Variants in USP13 observed in about 807,000 individuals in gnomAD.
USP13 encodes the protein ubiquitin carboxyl-terminal hydrolase 13.
In USP13, 68 loss-of-function variants were observed where a neutral mutation model predicts 107.8. That is an observed-to-expected ratio of 0.63 (90% CI 0.52 to 0.77). The LOEUF (loss-of-function observed/expected upper bound fraction) is 0.77, where lower values mean the gene tolerates loss of function less well. Ranked by LOEUF, USP13 falls within the 30% of genes least tolerant of loss-of-function variation. The pLI is 0.00. For missense variants in USP13, 945 were observed against 1,093.3 expected (o/e 0.86, Z 1.91); for synonymous variants, 377 against 389.5 (o/e 0.97, Z 0.38).
intron 19 of USP13, among the ~76,000 whole-genome samples, chr3:179,775,948 G>GT (rs1466333624): frequency 6.6e-6 from 1 of 152,192 alleles, no homozygotes; most frequent in Non-Finnish European, 1.5e-5. Flanking sequence ...TGCAGCGGTG[G>GT]GCTGAAGGGC....
At chr3:179,779,403 A>T (rs1284848073) in intron 19 of USP13, among the ~76,000 whole-genome samples, 1 of 152,000 alleles carries the variant, frequency 6.6e-6, no homozygotes, top group Non-Finnish European at 1.5e-5. Flanking sequence ...GCATGGTGGC[A>T]CGCGCCTGTA....
intron 2 of USP13, among the ~76,000 whole-genome samples, chr3:179,685,475 G>A (rs111957517): frequency 2.6e-5 from 4 of 152,186 alleles, no homozygotes; most frequent in African/African-American, 9.6e-5. Context: ...AGAAAGGCCA[G>A]AAAGTCAGAT....
chr3:179,692,916 A>T (rs2108466255), intron 3 of USP13, among the ~76,000 whole-genome samples: 1 of 152,194 alleles, frequency 6.6e-6, no homozygotes, highest in African/African-American at 2.4e-5. Context: ...TCCGTAGGGG[A>T]CTACCTACCA....
In USP13 at chr3:179,701,147, G is replaced by A. The variant is rs964013810; in HGVS notation, c.477+18G>A. The A allele has an allele frequency of 6.8e-7, 1 of 1,466,656 alleles. No individual in the cohort carries two copies. 90.9% of individuals were successfully genotyped at this position (1,466,656 alleles called of 1,614,324 possible). On this transcript the variant is annotated intron_variant, in intron 4 of 20. Transcript: ENST00000263966. ...CAGCCCTGGTCAGTGAGTGTGCACG[G>A]CTGCTAGCTAGATGCGCATGGCTCT...
At chr3:179,783,956 A>G in intron 20 of USP13, 92 bp from the exon 21 acceptor site, 1 of 966,130 alleles carries the variant, frequency 1.0e-6, no homozygotes. Flanking sequence ...CATCATGGTT[A>G]AGTGTTGTGC....
intron 8 of USP13, among the ~76,000 whole-genome samples, chr3:179,725,056 T>TA (rs1007225717): frequency 3.3e-5 from 5 of 151,858 alleles, no homozygotes; most frequent in African/African-American, 1.2e-4. Context: ...CCCACTCTAC[T>TA]AAAAAATTAG....
In USP13 at chr3:179,721,391, CTT is replaced by C; in HGVS notation, c.901-9_901-8del. 2 of 1,608,186 alleles carry C rather than the reference CTT, an allele frequency of 1.2e-6. No homozygotes were observed. The highest frequency in any genetic ancestry group is 2.2e-5 in the South Asian group (2 of 90,458). On this transcript the variant is annotated splice_polypyrimidine_tract_variant and intron_variant, in intron 7 of 20. Transcript: ENST00000263966. This position sits in a 1 kb window ranked among gnomAD's most constrained non-coding sequence, Gnocchi z 4.3. Reference sequence around the variant, plus strand: ...ATTTAAAGTTGTTTTTCTTCGATGACTTTGTCTCAGACAGAGAATGGGCTCCA... The same window carrying C: ...ATTTAAAGTTGTTTTTCTTCGATGACTGTCTCAGACAGAGAATGGGCTCCA...
chr3:179,662,851 C>A (rs1418533596), intron 1 of USP13, among the ~76,000 whole-genome samples: 1 of 152,176 alleles, frequency 6.6e-6, no homozygotes, highest in African/African-American at 2.4e-5. Context: ...TCCTCCCCTG[C>A]ATTCCTCTCC....
intron 5 of USP13, among the ~76,000 whole-genome samples, 155 bp downstream of exon 5, chr3:179,707,231 C>T (rs115258457): frequency 0.011 from 1,739 of 152,272 alleles, 33 homozygotes; most frequent in African/African-American, 0.04. Flanking sequence ...TTGTCTGTAG[C>T]TTTGTAGTAG....
Position 179,653,550 on chromosome 3 carries a change from G to GC in USP13, c.168+161dup, listed in dbSNP as rs1489957065. ...GCAGTTCGGCAGACACTTAGTGAGC[G>GC]CCCCAGGGCTGCTGCAGCCGAGGAC... is the stretch of plus-strand genomic sequence containing the variant. On this transcript the variant is annotated intron_variant, in intron 1 of 20. Coordinates refer to ENST00000263966, the MANE Select transcript of USP13 (RefSeq NM_003940.3). The surrounding 1 kb of genome is among the most constrained non-coding windows in gnomAD (Gnocchi z 4.0). 6.8e-6 allele frequency: 7 copies of GC among 1,023,984 alleles called. No individual in the cohort carries two copies. The highest frequency in any genetic ancestry group is 1.7e-5 in the African/African-American group (1 of 60,358). The allele number at this position is 1,023,984 out of a possible 1,614,324, so 63.4% of individuals were successfully genotyped here.
chr3:179,673,443 A>C (rs999351956), intron 1 of USP13, among the ~76,000 whole-genome samples: 1 of 152,180 alleles, frequency 6.6e-6, no homozygotes, highest in African/African-American at 2.4e-5. Context: ...GGATTCAGCA[A>C]TAAATGATAC....
At chr3:179,719,473 T>C (rs1713228213) in intron 6 of USP13, among the ~76,000 whole-genome samples, 1 of 152,072 alleles carries the variant, frequency 6.6e-6, no homozygotes, top group African/African-American at 2.4e-5. Flanking sequence ...AGAAATTCAT[T>C]TTCTCAGATG....
At chr3:179,707,135 G>T in intron 5 of USP13, 59 bp downstream of exon 5, 25 of 1,514,254 alleles carry the variant, frequency 1.7e-5, no homozygotes, top group Admixed American at 6.8e-5. Context: ...AGGAATATTT[G>T]TTTTCTACTT....
chr3:179,718,501 A>C (rs189491262), intron 6 of USP13, among the ~76,000 whole-genome samples: 1 of 152,112 alleles, frequency 6.6e-6, no homozygotes, highest in Non-Finnish European at 1.5e-5. Flanking sequence ...AGAGGGAAGA[A>C]GATTGGGCCA....
In USP13 at chr3:179,784,412, G is replaced by A. The variant is rs994544463; in HGVS notation, c.*271G>A. The A allele has an allele frequency of 1.6e-4, 48 of 300,286 alleles. 1 individual carries two copies. The Admixed American group carries it at 2.2e-3, about 14-fold the overall frequency. The allele number at this position is 300,286 out of a possible 1,614,324, so 18.6% of individuals were successfully genotyped here. A position where few individuals can be genotyped will look rare whatever the true frequency, so the allele number is the denominator to read the frequency against. ...AAACAAAAAAAGTATTCATATTGCT[G>A]GTGGAGGATCTGCCATCAGCACATC... On this transcript the variant is annotated 3_prime_UTR_variant, in exon 21 of 21. Transcript: ENST00000263966.
At chr3:179,730,281 T>A (rs1316693363) in intron 9 of USP13, 21 bp downstream of exon 9, 1 of 1,598,826 alleles carries the variant, frequency 6.3e-7, no homozygotes, top group Non-Finnish European at 8.5e-7. Context: ...GATTTGTATT[T>A]TTTTTTTTCT....
At chr3:179,729,008 A>G (rs924718141) in intron 8 of USP13, among the ~76,000 whole-genome samples, 2 of 107,436 alleles carry the variant, frequency 1.9e-5, no homozygotes, top group African/African-American at 3.2e-5. Context: ...GGGAGAGCCA[A>G]TTTTTAATGT....
intron 19 of USP13, among the ~76,000 whole-genome samples, chr3:179,775,559 C>T (rs375795752): frequency 1.6e-4 from 24 of 152,330 alleles, no homozygotes; most frequent in South Asian, 8.3e-4. Flanking sequence ...CTGGGCACTG[C>T]GGAGCAGGGG....
rs189275622 is a variant in USP13 at position 179,735,773 on chromosome 3, G to C, written c.1255-4474G>C. On this transcript the variant is annotated intron_variant, in intron 10 of 20. Transcript: ENST00000263966. ...TCCAGCCAGGTGTGGTGGCTCACACGTGTAATCCCAGCACTTTGAGAAGCT... is the reference window on the plus strand; with the variant it reads ...TCCAGCCAGGTGTGGTGGCTCACACCTGTAATCCCAGCACTTTGAGAAGCT... Among the ~76,000 whole-genome samples the C allele has an allele frequency of 2.7e-3, 414 of 152,210 alleles. 2 individuals are homozygous for C. The highest frequency in any genetic ancestry group is 9.6e-3 in the African/African-American group (398 of 41,542).
Sources: allele counts gnomAD v4.1 joint callset (sites outside exome capture counted in the v4.1 genomes callset), GRCh38; gene constraint gnomAD v4.1.1; non-coding constraint Gnocchi (gnomAD v3.1); transcripts MANE v1.5; gene names NCBI Gene and HGNC (gene_info 2026-07-23, HGNC 2026-07-21).